Variants in TCF20 observed in about 807,000 individuals in gnomAD.
The protein encoded by TCF20 is SPRE-binding protein.
In TCF20, 3 loss-of-function variants were observed where a neutral mutation model predicts 148.6. That is an observed-to-expected ratio of 0.02 (90% CI 0.01 to 0.05). The LOEUF (loss-of-function observed/expected upper bound fraction) is 0.05. TCF20 is among the 10% of genes least tolerant of loss of function. The pLI is 1.00. For missense variants in TCF20, 2,350 were observed against 2,429.3 expected, an observed-to-expected ratio of 0.97 and a Z score of 0.69; for synonymous variants, 1,049 against 909.5, an observed-to-expected ratio of 1.15 and a Z score of -2.76.
intron 1 of TCF20, among the ~76,000 whole-genome samples, chr22:42,264,957 T>C (rs561350274): frequency 6.6e-6 from 1 of 152,378 alleles, no homozygotes; most frequent in Admixed American, 6.5e-5. Flanking sequence ...AATGAATTTC[T>C]ACTCTTTCCT....
intron 1 of TCF20, among the ~76,000 whole-genome samples, chr22:42,256,290 T>A (rs189940585): frequency 3.5e-4 from 53 of 152,334 alleles, no homozygotes; most frequent in South Asian, 8.3e-4. Flanking sequence ...TGAAGTGTTT[T>A]ATTTGATTTT....
chr22:42,173,937 C>T (rs963457275), intron 3 of TCF20, among the ~76,000 whole-genome samples: 6 of 152,174 alleles, frequency 3.9e-5, no homozygotes, highest in African/African-American at 1.4e-4. Flanking sequence ...AATAGAGATG[C>T]TACCAGCTTA....
At position 42,328,446 on chromosome 22, in the gene TCF20, C is replaced by T. The variant is rs182074353; in HGVS notation, c.-37+15033G>A. Among the ~76,000 whole-genome samples the T allele has an allele frequency of 1.5e-4, 23 of 152,312 alleles. No homozygotes were observed. In the East Asian group the frequency reaches 4.3e-3, roughly 28 times the overall value. Reference sequence around the variant, plus strand: ...CTAAGGCTCTAGCAGTACCCAGTCCCACAAGGCTCAAGCACAGCTCCCATC... The same window carrying T: ...CTAAGGCTCTAGCAGTACCCAGTCCTACAAGGCTCAAGCACAGCTCCCATC... On this transcript the variant is annotated intron_variant, in intron 1 of 1. Transcript: ENST00000515426.
intron 1 of TCF20, among the ~76,000 whole-genome samples, chr22:42,247,668 T>G (rs550970383): frequency 1.3e-5 from 2 of 152,188 alleles, no homozygotes; most frequent in African/African-American, 4.8e-5. Context: ...CGACAAGAGC[T>G]ACCTTTCAGA....
intron 1 of TCF20, among the ~76,000 whole-genome samples, chr22:42,255,515 CAACAACAACAACAAA>C (rs1330845401): frequency 6.6e-6 from 1 of 151,130 alleles, no homozygotes; most frequent in Non-Finnish European, 1.5e-5. Context: ...ACAACAACAA[CAACAACAACAACAAA>C]ACCACATTAT....
chr22:42,242,227 A>AAAAAAAAAT lies in TCF20; in HGVS notation c.-36-26887_-36-26886insATTTTTTTT, dbSNP rs1491280192. On this transcript the variant is annotated intron_variant, in intron 1 of 5. Transcript: ENST00000677622. The stretch of plus-strand genomic sequence containing the variant: ...CAAAAAAAAAAAAAAAAAAAAAAAA[A>AAAAAAAAAT]CAGAAAAGAAAGGGTGACTACAAGG... 3.6e-3 allele frequency among the ~76,000 whole-genome samples: 438 copies of AAAAAAAAAT among 122,728 alleles called. 45 individuals carry two copies. The highest frequency in any genetic ancestry group is 9.3e-3 in the African/African-American group (292 of 31,334). The allele number at this position is 122,728 out of a possible 152,430, so 80.5% of individuals were successfully genotyped here.
chr22:42,221,805 C>A (rs959116706), intron 1 of TCF20, among the ~76,000 whole-genome samples: 1 of 129,778 alleles, frequency 7.7e-6, no homozygotes, highest in Admixed American at 9.3e-5. Flanking sequence ...GTGGCGATAT[C>A]TCGGCTCACT....
chr22:42,231,618 T>C (rs1281661829), intron 1 of TCF20, among the ~76,000 whole-genome samples: 1 of 152,170 alleles, frequency 6.6e-6, no homozygotes, highest in Non-Finnish European at 1.5e-5. Flanking sequence ...ATTTTTAAAG[T>C]TTTTAAAGTA....
intron 1 of TCF20, among the ~76,000 whole-genome samples, chr22:42,259,738 T>G (rs1925930100): frequency 6.6e-6 from 1 of 152,182 alleles, no homozygotes; most frequent in Non-Finnish European, 1.5e-5. Context: ...CTCAATAATG[T>G]CACTTAACAC....
chr22:42,200,258 G>A (rs965358568), intron 2 of TCF20, among the ~76,000 whole-genome samples: 9 of 151,930 alleles, frequency 5.9e-5, no homozygotes, highest in Non-Finnish European at 8.8e-5. Flanking sequence ...CCCTCACCTC[G>A]CCCACTGACT....
intron 1 of TCF20, among the ~76,000 whole-genome samples, chr22:42,298,033 C>A (rs756394590): frequency 6.6e-6 from 1 of 152,234 alleles, no homozygotes; most frequent in African/African-American, 2.4e-5. Flanking sequence ...AGACTCAAAG[C>A]AAACCCATGG....
At chr22:42,252,662 G>A (rs1201624401) in intron 1 of TCF20, among the ~76,000 whole-genome samples, 1 of 152,128 alleles carries the variant, frequency 6.6e-6, no homozygotes, top group Non-Finnish European at 1.5e-5. Context: ...TGTTGGCCAG[G>A]ATGGTCTTAA....
At position 42,214,259 on chromosome 22, in the gene TCF20, C is replaced by A; in HGVS notation, c.1047G>T (p.Gln349His). The change falls in exon 2 of 6, where the codon CAG becomes CAT. Residue 349 changes from glutamine to histidine, a missense_variant. By Grantham distance (24) the Gln-to-His change is conservative (BLOSUM62 0). Transcript: ENST00000677622. Reference protein sequence around the residue: ...PLQSQVGQYNQPEVPVRSPMQ... With the variant: ...PLQSQVGQYNHPEVPVRSPMQ... The stretch of plus-strand genomic sequence containing the variant: ...TGGGGGACCTCACAGGAACCTCAGG[C>A]TGGTTGTACTGCCCCACTTGGCTTT... The A allele has an allele frequency of 6.2e-7, 1 of 1,614,204 alleles. No individual in the cohort carries two copies. The highest frequency in any genetic ancestry group is 8.5e-7 in the Non-Finnish European group (1 of 1,180,030).
intron 1 of TCF20, among the ~76,000 whole-genome samples, chr22:42,337,911 A>G (rs1928093479): frequency 6.6e-6 from 1 of 152,202 alleles, no homozygotes; most frequent in African/African-American, 2.4e-5. Flanking sequence ...AGCTGAGTCC[A>G]AATCCAGAAT....
At chr22:42,187,459 G>A (rs1356359340) in intron 2 of TCF20, among the ~76,000 whole-genome samples, 6 of 152,174 alleles carry the variant, frequency 3.9e-5, no homozygotes, top group Non-Finnish European at 7.3e-5. Flanking sequence ...CCTGTAATAA[G>A]TGTCTCTGTG....
rs758656873 is a variant in TCF20 at position 42,213,864 on chromosome 22, G to A, written c.1442C>T (p.Pro481Leu). The A allele has an allele frequency of 2.5e-6, 4 of 1,614,070 alleles. No homozygotes were observed. The highest frequency in any genetic ancestry group is 1.7e-5 in the Admixed American group (1 of 60,004). The change falls in exon 2 of 6, where the codon CCT (proline) becomes CTT (leucine). Residue 481 changes from proline to leucine, a missense_variant. Physicochemically the swap from Pro to Leu is moderately conservative, Grantham distance 98 (BLOSUM62 -3). Transcript: ENST00000677622. ...GGGCCTCTTGGAGGTCTTCTTCTGA[G>A]GAGTCAGGGCATCAGAAAGTAACAT... ...QHMLLSDALTPQKKTSKRPSS... is the reference protein window; with the variant it reads ...QHMLLSDALTLQKKTSKRPSS...
rs139754542 is a variant in TCF20 at position 42,221,346 on chromosome 22, C to T, written c.-36-6005G>A. Among the ~76,000 whole-genome samples the T allele has an allele frequency of 3.1e-3, 465 of 152,192 alleles. 1 individual carries two copies. The highest frequency in any genetic ancestry group is 5.7e-3 in the Non-Finnish European group (387 of 68,018). The stretch of plus-strand genomic sequence containing the variant: ...ATTCCTGTATCAAAACCATTCATAC[C>T]GGAATAGACAACTTCTCTTTTCCTG... On this transcript the variant is annotated intron_variant, in intron 1 of 5. Coordinates refer to ENST00000677622, the MANE Select transcript of TCF20 (RefSeq NM_001378418.1).
At chr22:42,199,787 T>C (rs1159145508) in intron 2 of TCF20, among the ~76,000 whole-genome samples, 1 of 148,622 alleles carries the variant, frequency 6.7e-6, no homozygotes, top group Non-Finnish European at 1.5e-5. Flanking sequence ...GAGGCAGAGG[T>C]TGCAGTGAGC....
chr22:42,220,016 C>T (rs1359680397), intron 1 of TCF20, among the ~76,000 whole-genome samples: 1 of 152,180 alleles, frequency 6.6e-6, no homozygotes, highest in Non-Finnish European at 1.5e-5. Context: ...ATTCCAGAGT[C>T]CATGTGCCGA....
Sources: gnomAD v4.1 joint callset for allele counts (sites outside exome capture counted in the v4.1 genomes callset) on GRCh38, gnomAD v4.1.1 for gene constraint, MANE v1.5 for transcripts, NCBI Gene and HGNC (gene_info 2026-07-23, HGNC 2026-07-21) for gene names.